The following MCCC1 variants were observed in gnomAD, a reference collection of about 807,000 sequenced individuals.
The protein encoded by MCCC1 is methylcrotonoyl-CoA carboxylase subunit alpha, mitochondrial.
A neutral mutation model predicts 83.8 loss-of-function variants in MCCC1; 64 were observed. The observed-to-expected ratio is 0.76, with a 90% CI of 0.62 to 0.94. The LOEUF is 0.94. MCCC1 is among the 40% of genes least tolerant of loss of function. MCCC1 has a pLI of 0.00. For synonymous variants in MCCC1, 322 were observed against 315.4 expected, an observed-to-expected ratio of 1.02 and a Z score of -0.22; for missense variants, 807 against 904.7, an observed-to-expected ratio of 0.89 and a Z score of 1.39.
rs1303664981 is a variant in MCCC1 at position 183,015,510 on chromosome 3, A to G, written c.2106T>C (p.Gly702=). The G allele has an allele frequency of 1.2e-6, 2 of 1,613,932 alleles. No homozygotes were observed. The highest frequency in any genetic ancestry group is 2.7e-5 in the African/African-American group (2 of 74,882). Residue 702 remains glycine, a synonymous_variant, in exon 19 of 19, where the codon GGT becomes GGC. Transcript: ENST00000265594. ...AAGGAGTGTGTCTGTTGGCCTGAGC[A>G]CCTTCTCTGTAGAACACTTTCTTTA... The part of the protein sequence containing the change: ...GTVKKVFYRE[G]AQANRHTPLV...
chr3:183,106,538 G>A (rs1030670795), intron 1 of MCCC1, among the ~76,000 whole-genome samples: 3 of 141,052 alleles, frequency 2.1e-5, no homozygotes, highest in Admixed American at 6.8e-5. Flanking sequence ...TCGCTCTGTC[G>A]CCCAGGCTGG....
intron 14 of MCCC1, among the ~76,000 whole-genome samples, chr3:183,030,521 T>C (rs79884876): frequency 0.025 from 3,750 of 152,274 alleles, 73 homozygotes; most frequent in Middle Eastern, 0.058. Context: ...CCTCTGAACA[T>C]TTAGCCTTCT....
Position 183,092,293 on chromosome 3 carries a change from T to G in MCCC1, c.273+116A>C, listed in dbSNP as rs1718414665. On this transcript the variant is annotated intron_variant, in intron 3 of 18. Coordinates refer to ENST00000265594, the MANE Select transcript of MCCC1 (RefSeq NM_020166.5). The stretch of plus-strand genomic sequence containing the variant: ...AGAATTAGCAGTGAGCAGTTTGAAC[T>G]TACCTACTTCAACCCTGATAACACT... The G allele has an allele frequency of 5.3e-6, 7 of 1,329,930 alleles. No individual in the cohort carries two copies. The South Asian group carries it at 6.1e-5, about 12-fold the overall frequency. The allele number at this position is 1,329,930 out of a possible 1,614,324, so 82.4% of individuals were successfully genotyped here.
At chr3:183,072,749 G>T (rs762068271) in intron 4 of MCCC1, among the ~76,000 whole-genome samples, 1 of 152,176 alleles carries the variant, frequency 6.6e-6, no homozygotes, top group Non-Finnish European at 1.5e-5. Context: ...TTACTTGCAA[G>T]TATGTAATTC....
intron 3 of MCCC1, among the ~76,000 whole-genome samples, chr3:183,087,385 A>G (rs1717969178): frequency 6.6e-6 from 1 of 152,218 alleles, no homozygotes; most frequent in Admixed American, 6.5e-5. Context: ...AGCTGCCTGT[A>G]CCATAGTGAA....
At chr3:183,043,383 G>T (rs951150101) in intron 10 of MCCC1, among the ~76,000 whole-genome samples, 4 of 152,222 alleles carry the variant, frequency 2.6e-5, no homozygotes, top group African/African-American at 9.6e-5. Flanking sequence ...ATGCCTCTGG[G>T]TCTTTGGAGA....
chr3:183,103,893 G>A (rs1039633846), upstream of MCCC1, among the ~76,000 whole-genome samples: 7 of 152,182 alleles, frequency 4.6e-5, no homozygotes, highest in South Asian at 2.1e-4. Flanking sequence ...CCTGCCCCGC[G>A]GGGAGGCAGC....
chr3:183,090,059 C>A (rs1718204527), intron 3 of MCCC1, among the ~76,000 whole-genome samples: 1 of 152,044 alleles, frequency 6.6e-6, no homozygotes, highest in African/African-American at 2.4e-5. Flanking sequence ...AGAGTGCACA[C>A]TGAGAAAAGA....
intron 1 of MCCC1, among the ~76,000 whole-genome samples, chr3:183,096,042 A>G (rs570241426): frequency 6.6e-6 from 1 of 152,318 alleles, no homozygotes; most frequent in East Asian, 1.9e-4. Context: ...TTTCAGCTAA[A>G]GAGGATAAGT....
chr3:183,042,099 G>A (rs762515283), intron 10 of MCCC1, among the ~76,000 whole-genome samples: 2 of 152,118 alleles, frequency 1.3e-5, no homozygotes, highest in Admixed American at 6.5e-5. Flanking sequence ...TAAAACATTA[G>A]CACTTAATTC....
At chr3:183,033,209 G>A (rs77079496) in intron 14 of MCCC1, among the ~76,000 whole-genome samples, 8 of 152,356 alleles carry the variant, frequency 5.3e-5, no homozygotes, top group East Asian at 1.9e-4. Context: ...TGGCTTAAGC[G>A]TCAGCCTCTT....
intron 12 of MCCC1, 58 bp downstream of exon 12, chr3:183,038,968 T>C (rs1713841859): frequency 6.8e-7 from 1 of 1,473,610 alleles, no homozygotes; most frequent in African/African-American, 1.4e-5. Context: ...AGACAAAGGC[T>C]GACCTCTGGT....
chr3:183,084,573 C>T (rs1717752445), intron 4 of MCCC1, among the ~76,000 whole-genome samples: 1 of 152,156 alleles, frequency 6.6e-6, no homozygotes, highest in East Asian at 1.9e-4. Context: ...TTTAAGAACA[C>T]TATTCTAAAG....
At chr3:183,076,386 A>G (rs1010093822) in intron 4 of MCCC1, among the ~76,000 whole-genome samples, 1 of 152,114 alleles carries the variant, frequency 6.6e-6, no homozygotes, top group African/African-American at 2.4e-5. Flanking sequence ...TATAATATGG[A>G]TTCTGTTATA....
At chr3:183,083,031 A>G (rs1350359860) in intron 4 of MCCC1, among the ~76,000 whole-genome samples, 2 of 152,086 alleles carry the variant, frequency 1.3e-5, no homozygotes, top group African/African-American at 4.8e-5. Context: ...CATCTTCTTG[A>G]GTTTCTCAAT....
chr3:183,043,795 T>G (rs1714308639), intron 10 of MCCC1, among the ~76,000 whole-genome samples: 1 of 152,192 alleles, frequency 6.6e-6, no homozygotes, highest in South Asian at 2.1e-4. Context: ...ACCCAAAAGC[T>G]TTCTCCTTCC....
chr3:183,072,542 C>T, intron 4 of MCCC1, 55 bp from the exon 5 acceptor site: 1 of 1,603,400 alleles, frequency 6.2e-7, no homozygotes, highest in East Asian at 2.2e-5. Context: ...ACTGGCAACA[C>T]CTTAATGCAG....
rs147718490 is a variant in MCCC1, at chr3:183,044,942, T to C, written c.1083+471A>G. On this transcript the variant is annotated intron_variant, in intron 10 of 18. Transcript: ENST00000265594. ...TGTTGTTGTCGTTGTTGTTGAATTA[T>C]AGATTCAGGTGGTACACGTGAATGT... 2.3e-3 allele frequency among the ~76,000 whole-genome samples: 341 copies of C among 150,934 alleles called. 2 individuals are homozygous for C. The highest frequency in any genetic ancestry group is 7.9e-3 in the African/African-American group (325 of 41,026).
upstream of MCCC1, among the ~76,000 whole-genome samples, chr3:183,101,838 C>T (rs1291494491): frequency 6.6e-6 from 1 of 152,170 alleles, no homozygotes; most frequent in East Asian, 1.9e-4. Context: ...CACTCCTGAG[C>T]CCAGCGAGAC....
Sources: allele counts gnomAD v4.1 joint callset (sites outside exome capture counted in the v4.1 genomes callset), GRCh38; gene constraint gnomAD v4.1.1; transcripts MANE v1.5; gene names NCBI Gene and HGNC (gene_info 2026-07-23, HGNC 2026-07-21).